SNX20: variants seen among roughly 807,000 people sequenced by gnomAD.
SNX20 encodes the protein sorting nexin-20.
A neutral mutation model predicts 24.5 loss-of-function variants in SNX20; 21 were observed. The ratio of observed to expected loss-of-function variants is 0.86; its 90% confidence interval spans 0.61 to 1.23. SNX20 has a LOEUF of 1.23. Ranked by LOEUF, SNX20 falls within the 50% of genes most tolerant of loss-of-function variation. The probability of loss-of-function intolerance (pLI) is 0.00; values close to 1 mark genes in which losing one functional copy is unlikely to be tolerated. For missense variants in SNX20, 433 were observed against 430.8 expected, an observed-to-expected ratio of 1.00 and a Z score of -0.04; for synonymous variants, 206 against 192.8, an observed-to-expected ratio of 1.07 and a Z score of -0.57.
intron 2 of SNX20, among the ~76,000 whole-genome samples, chr16:50,677,124 G>C (rs533199336): frequency 2.6e-5 from 4 of 152,318 alleles, no homozygotes; most frequent in African/African-American, 9.6e-5. Context: ...CGCTGGGGTT[G>C]AGCTTCAGCC....
chr16:50,676,737 A>G (rs747193158), intron 2 of SNX20, among the ~76,000 whole-genome samples: 3 of 152,070 alleles, frequency 2.0e-5, no homozygotes, highest in Non-Finnish European at 4.4e-5. Flanking sequence ...TTTCTCACTG[A>G]TCTGTTTCTC....
At chr16:50,666,914 G>A (rs1962928035), downstream of SNX20, 1 of 152,314 alleles carries the variant, frequency 6.6e-6, no homozygotes, top group Non-Finnish European at 1.5e-5. Context: ...GAGGAAAGCA[G>A]AACTAAGAAG....
Position 50,673,186 on chromosome 16 carries a change from A to C in SNX20, c.*220T>G. ...TGTGGTGGTGTGCACCTGTAATCCC[A>C]GCTACTTGGGAGGCTGAGGTGGGAG... On this transcript the variant is annotated 3_prime_UTR_variant, in exon 4 of 4. Coordinates refer to ENST00000330943, the MANE Select transcript of SNX20 (RefSeq NM_182854.4). The surrounding 1 kb of genome is among the most constrained non-coding windows in gnomAD (Gnocchi z 4.1). 1.4e-6 allele frequency: 1 copy of C among 708,498 alleles called. No individual in the cohort carries two copies. The highest frequency in any genetic ancestry group is 3.5e-5 in the East Asian group (1 of 28,288). The allele number at this position is 708,498 out of a possible 1,614,324, so 43.9% of individuals were successfully genotyped here. A position where few individuals can be genotyped will look rare whatever the true frequency, so the allele number is the denominator to read the frequency against.
chr16:50,668,704 G>A (rs1371651370), downstream of SNX20: 13 of 1,070,870 alleles, frequency 1.2e-5, no homozygotes, highest in African/African-American at 1.7e-5. Flanking sequence ...ATTTGGAGAC[G>A]TGGCTGGGCA....
chr16:50,669,465 G>A (rs79602746), downstream of SNX20: 213 of 246,654 alleles, frequency 8.6e-4, 1 homozygote, highest in African/African-American at 4.5e-3. Context: ...CCACGGGGAG[G>A]GCACCAAGCC....
At position 50,679,565 on chromosome 16, in the gene SNX20, C is replaced by T. The variant is rs114882996; in HGVS notation, c.-10+1625G>A. Among the ~76,000 whole-genome samples, 1,010 of 152,318 alleles carry T rather than the reference C, an allele frequency of 6.6e-3. 11 individuals carry two copies. The highest frequency in any genetic ancestry group is 0.023 in the African/African-American group (965 of 41,558). ...CAGGGCTGCACGTTCTTGAGCATGC[C>T]GTCACGGGCACCTCTCGCTTGTCTC... On this transcript the variant is annotated intron_variant, in intron 1 of 3. Transcript: ENST00000330943.
rs1963088638 is a variant in SNX20 at position 50,673,198 on chromosome 16, G to A, written c.*208C>T. The A allele has an allele frequency of 2.4e-6, 2 of 817,938 alleles. No homozygotes were observed. Among genetic ancestry groups the A allele is most frequent in the Non-Finnish European group, 3.3e-6 (2 of 606,650 alleles). The allele number at this position is 817,938 out of a possible 1,614,324, so 50.7% of individuals were successfully genotyped here. A position where few individuals can be genotyped will look rare whatever the true frequency, so the allele number is the denominator to read the frequency against. On this transcript the variant is annotated 3_prime_UTR_variant, in exon 4 of 4. Transcript: ENST00000330943. The surrounding 1 kb of genome is among the most constrained non-coding windows in gnomAD (Gnocchi z 4.1). The stretch of plus-strand genomic sequence containing the variant: ...CACCTGTAATCCCAGCTACTTGGGA[G>A]GCTGAGGTGGGAGGATTGCTTGTGC...
At chr16:50,668,536 A>C, downstream of SNX20, 1 of 1,015,150 alleles carries the variant, frequency 9.9e-7, no homozygotes, top group Non-Finnish European at 1.2e-6. Flanking sequence ...TTTTCAAGTA[A>C]ATGTGCATAA....
At chr16:50,674,151 TA>T (rs1356658051) in intron 3 of SNX20, 77 bp from the exon 4 acceptor site, 2 of 1,494,208 alleles carry the variant, frequency 1.3e-6, no homozygotes, top group Admixed American at 2.5e-5. Flanking sequence ...AGAGTAAAGT[TA>T]ACCAGGCCGG....
At chr16:50,671,465 C>T (rs1963048865), downstream of SNX20, 1 of 152,172 alleles carries the variant, frequency 6.6e-6, no homozygotes, top group African/African-American at 2.4e-5. Flanking sequence ...TTGGTGTTAA[C>T]CCTCATATCG....
rs72303410 is a variant in SNX20, at chr16:50,672,496, C to CGTGTGTGTGTGTGTGTGTGT, written c.*890_*909dup. 2.9e-5 allele frequency: 4 copies of CGTGTGTGTGTGTGTGTGTGT among 137,988 alleles called. No individual in the cohort carries two copies. Among genetic ancestry groups the CGTGTGTGTGTGTGTGTGTGT allele is most frequent in the African/African-American group, 1.1e-4 (4 of 35,942 alleles). The allele number at this position is 137,988 out of a possible 1,614,324, so 8.5% of individuals were successfully genotyped here. On this transcript the variant is annotated 3_prime_UTR_variant, in exon 4 of 4. Transcript: ENST00000330943. ...CAAAAGGATGGCATACAACTCCCAC[C>CGTGTGTGTGTGTGTGTGTGT]GTGTGTGTGTGTGTGTGTGTGTGTG...
Position 50,673,324 on chromosome 16 carries a change from T to TAA in SNX20, c.*80_*81dup. On this transcript the variant is annotated 3_prime_UTR_variant, in exon 4 of 4. Coordinates refer to ENST00000330943, the MANE Select transcript of SNX20 (RefSeq NM_182854.4). The surrounding 1 kb of genome is among the most constrained non-coding windows in gnomAD (Gnocchi z 4.1). The stretch of plus-strand genomic sequence containing the variant: ...AAATAACAAAAAAGAAAAGGAAAAA[T>TAA]AAAAAAAAAGAACCCCAAACAGCCC... The TAA allele has an allele frequency of 1.5e-6, 2 of 1,379,098 alleles. No individual in the cohort carries two copies. Among genetic ancestry groups the TAA allele is most frequent in the Non-Finnish European group, 9.4e-7 (1 of 1,060,880 alleles). The allele number at this position is 1,379,098 out of a possible 1,614,324, so 85.4% of individuals were successfully genotyped here. A position where few individuals can be genotyped will look rare whatever the true frequency, so the allele number is the denominator to read the frequency against.
rs753369618 is a variant in SNX20 at position 50,673,369 on chromosome 16, C to G, written c.*37G>C. 1 of 1,438,280 alleles carries G rather than the reference C, an allele frequency of 7.0e-7. No homozygotes were observed. The highest frequency in any genetic ancestry group is 1.5e-5 in the African/African-American group (1 of 67,480). 89.1% of individuals were successfully genotyped at this position (1,438,280 alleles called of 1,614,324 possible). A position where few individuals can be genotyped will look rare whatever the true frequency, so the allele number is the denominator to read the frequency against. On this transcript the variant is annotated 3_prime_UTR_variant, in exon 4 of 4. Coordinates refer to ENST00000330943, the MANE Select transcript of SNX20 (RefSeq NM_182854.4). The surrounding 1 kb of genome is among the most constrained non-coding windows in gnomAD (Gnocchi z 4.1). ...CAGCCCACTGTGAGCCATGGTGACC[C>G]CAAATCTCCAGCGTCCCTGCGGGGT...
downstream of SNX20, chr16:50,671,079 ACCC>A (rs530810949): frequency 1.3e-5 from 1 of 75,550 alleles, no homozygotes; most frequent in African/African-American, 5.0e-5. Context: ...CCCCCGCCCC[ACCC>A]CCCCAACACC....
downstream of SNX20, chr16:50,668,642 G>A (rs2150757803): frequency 9.8e-7 from 1 of 1,025,098 alleles, no homozygotes; most frequent in South Asian, 4.2e-5. Context: ...TGAGCATGCA[G>A]GAAATTCTGG....
chr16:50,673,062 G>C lies in SNX20; in HGVS notation c.*344C>G, dbSNP rs953047868. The C allele has an allele frequency of 1.1e-5, 2 of 181,126 alleles. No individual in the cohort carries two copies. The highest frequency in any genetic ancestry group is 4.7e-5 in the African/African-American group (2 of 42,646). 11.2% of individuals were successfully genotyped at this position (181,126 alleles called of 1,614,324 possible). A position where few individuals can be genotyped will look rare whatever the true frequency, so the allele number is the denominator to read the frequency against. On this transcript the variant is annotated 3_prime_UTR_variant, in exon 4 of 4. Transcript: ENST00000330943. The surrounding 1 kb of genome is among the most constrained non-coding windows in gnomAD (Gnocchi z 4.1). ...TCACACTTGTAACCCCAGTGTTTTG[G>C]GAAGCTGAGGCAGGAAGATCATTTA...
downstream of SNX20, chr16:50,669,359 GT>G (rs1381934349): frequency 1.9e-6 from 1 of 539,264 alleles, no homozygotes; most frequent in African/African-American, 1.9e-5. Context: ...GGGGGAGTTC[GT>G]GACTTACATG....
In SNX20 at chr16:50,675,882, G is replaced by A. The variant is rs763396760; in HGVS notation, c.170C>T (p.Thr57Met). The A allele has an allele frequency of 3.1e-6, 5 of 1,612,210 alleles. No homozygotes were observed. Among genetic ancestry groups the A allele is most frequent in the African/African-American group, 2.7e-5 (2 of 74,854 alleles). The change falls in exon 3 of 4, where the codon ACG (threonine) becomes ATG (methionine). Residue 57 changes from threonine to methionine, a missense_variant. Transcript: ENST00000330943. ...SGLSSNSSMTTRELQQYWQNQ... is the reference protein window; with the variant it reads ...SGLSSNSSMTMRELQQYWQNQ... Reference sequence around the variant, plus strand: ...CTGCCAGTACTGCTGAAGCTCCCGCGTGGTCATGCTGGAGTTGGAGCTCAG... The same window carrying A: ...CTGCCAGTACTGCTGAAGCTCCCGCATGGTCATGCTGGAGTTGGAGCTCAG...
chr16:50,669,410 C>A, downstream of SNX20: 1 of 433,978 alleles, frequency 2.3e-6, no homozygotes, highest in Non-Finnish European at 4.2e-6. Flanking sequence ...CTCTTCTAAA[C>A]AACCAGCTCT....
Sources: allele counts gnomAD v4.1 joint callset (sites outside exome capture counted in the v4.1 genomes callset), GRCh38; gene constraint gnomAD v4.1.1; non-coding constraint Gnocchi (gnomAD v3.1); transcripts MANE v1.5; gene names NCBI Gene and HGNC (gene_info 2026-07-23, HGNC 2026-07-21).